ARNT: variants seen among roughly 807,000 people sequenced by gnomAD.
The protein encoded by ARNT is class E basic helix-loop-helix protein 2.
ARNT carries 30 observed loss-of-function variants against 105.0 expected under a neutral mutation model. The ratio of observed to expected loss-of-function variants is 0.29; its 90% CI spans 0.21 to 0.39. The LOEUF (loss-of-function observed/expected upper bound fraction) is 0.39. Among genes scored for constraint, ARNT ranks in the 10% least tolerant of loss-of-function variants. The pLI is 1.00. For synonymous variants in ARNT, 304 were observed against 344.0 expected, an observed-to-expected ratio of 0.88 and a Z score of 1.29; for missense variants, 748 against 978.7, an observed-to-expected ratio of 0.76 and a Z score of 3.15.
intron 1 of ARNT, among the ~76,000 whole-genome samples, chr1:150,875,139 G>A (rs1284904383): frequency 6.6e-6 from 1 of 152,050 alleles, no homozygotes; most frequent in Admixed American, 6.6e-5. Flanking sequence ...TCACAGATAG[G>A]TTATATTACT....
intron 4 of ARNT, 53 bp from the exon 5 acceptor site, chr1:150,842,521 GA>G: frequency 6.6e-7 from 1 of 1,525,018 alleles, no homozygotes; most frequent in East Asian, 2.3e-5. Context: ...AAGAAGGAAG[GA>G]AGGGGGGAGG....
rs754317482 is a variant in ARNT at position 150,826,629 on chromosome 1, A to C, written c.1168-12T>G. 3 of 1,593,290 alleles carry C rather than the reference A, an allele frequency of 1.9e-6. No individual in the cohort carries two copies. Among genetic ancestry groups the C allele is most frequent in the Admixed American group, 1.7e-5 (1 of 59,496 alleles). Reference sequence around the variant, plus strand: ...TTTCCTAAGAGTTCCTAGAATACAGAAAGAAGAGTAAGATATATACTTTTT... The same window carrying C: ...TTTCCTAAGAGTTCCTAGAATACAGCAAGAAGAGTAAGATATATACTTTTT... On this transcript the variant is annotated splice_polypyrimidine_tract_variant and intron_variant, in intron 12 of 21. Coordinates refer to ENST00000358595, the MANE Select transcript of ARNT (RefSeq NM_001668.4).
At chr1:150,871,907 C>CAAA (rs776523588) in intron 1 of ARNT, among the ~76,000 whole-genome samples, 89 of 39,702 alleles carry the variant, frequency 2.2e-3, no homozygotes, top group East Asian at 4.2e-3. Flanking sequence ...GACCCTGTCT[C>CAAA]AAAAAAAAAA....
rs977279479 is a variant in ARNT at position 150,829,919 on chromosome 1, G to C, written c.1017C>G (p.Ala339=). The change falls in exon 11 of 22, where the codon GCC becomes GCG. Residue 339 remains alanine, a synonymous_variant. Transcript: ENST00000358595. ...TCATACTTGCCTGCAATCTGCCAAT[G>C]GCCACTAGGCAAAACTTGCTTCCCT... The part of the protein sequence containing the change: ...AGQGSKFCLV[A]IGRLQVTSSP... The C allele has an allele frequency of 1.2e-6, 2 of 1,614,162 alleles. No homozygotes were observed. The highest frequency in any genetic ancestry group is 3.3e-5 in the Admixed American group (2 of 60,028).
chr1:150,871,226 A>G (rs1327567231), intron 1 of ARNT, among the ~76,000 whole-genome samples: 2 of 150,892 alleles, frequency 1.3e-5, no homozygotes, highest in South Asian at 2.1e-4. Flanking sequence ...AGGTGTTGTC[A>G]TATTTCCAAC....
At chr1:150,826,792 G>A (rs1322883415) in intron 12 of ARNT, among the ~76,000 whole-genome samples, 175 bp from the exon 13 acceptor site, 1 of 152,004 alleles carries the variant, frequency 6.6e-6, no homozygotes, top group Non-Finnish European at 1.5e-5. Flanking sequence ...TTACAGGGGT[G>A]TGCTACCACA....
chr1:150,841,790 A>G (rs1661345706), intron 5 of ARNT, among the ~76,000 whole-genome samples: 1 of 152,252 alleles, frequency 6.6e-6, no homozygotes, highest in Non-Finnish European at 1.5e-5. Context: ...ATAAAATTCT[A>G]TTCTCAAACA....
At chr1:150,829,851 T>G (rs1295813033) in intron 11 of ARNT, 53 bp downstream of exon 11, 2 of 1,569,890 alleles carry the variant, frequency 1.3e-6, no homozygotes, top group Admixed American at 3.4e-5. Context: ...GAATGAGTCC[T>G]GAAGATCTGC....
chr1:150,843,653 CT>C lies in ARNT; in HGVS notation c.228-1186del, dbSNP rs35374672. Among the ~76,000 whole-genome samples the C allele has an allele frequency of 2.4e-4, 37 of 151,904 alleles. 2 individuals carry two copies. Among genetic ancestry groups the C allele is most frequent in the Middle Eastern group, 3.4e-3 (1 of 294 alleles). On this transcript the variant is annotated intron_variant, in intron 4 of 21. Coordinates refer to ENST00000358595, the MANE Select transcript of ARNT (RefSeq NM_001668.4). Reference sequence around the variant, plus strand: ...TAGTTCCTTAACAAACTACAAACTTCTTTTTTTTCAAAAAGTTGAGCAACTT... The same window carrying C: ...TAGTTCCTTAACAAACTACAAACTTCTTTTTTTCAAAAAGTTGAGCAACTT...
intron 6 of ARNT, among the ~76,000 whole-genome samples, chr1:150,838,684 C>T (rs1301803573): frequency 1.3e-5 from 2 of 152,132 alleles, no homozygotes; most frequent in African/African-American, 4.8e-5. Flanking sequence ...ATACCTCCTA[C>T]ATTTTCCAAA....
At chr1:150,871,962 CTT>C (rs1181616883) in intron 1 of ARNT, among the ~76,000 whole-genome samples, 1 of 137,184 alleles carries the variant, frequency 7.3e-6, no homozygotes, top group Non-Finnish European at 1.6e-5. Flanking sequence ...AATACTATCT[CTT>C]TTTTTGTTGG....
chr1:150,842,184 A>G (rs1661408612), intron 5 of ARNT: 1 of 863,806 alleles, frequency 1.2e-6, no homozygotes. Flanking sequence ...GAAAAAGAAA[A>G]AAAAACTTAA....
chr1:150,843,374 G>A (rs1418715925), intron 4 of ARNT, among the ~76,000 whole-genome samples: 2 of 152,178 alleles, frequency 1.3e-5, no homozygotes, highest in East Asian at 3.8e-4. Flanking sequence ...TATAGATAAA[G>A]AGGCCCTGAA....
chr1:150,858,540 AAAGGTTC>A, intron 1 of ARNT, 80 bp from the exon 2 acceptor site: 1 of 1,153,204 alleles, frequency 8.7e-7, no homozygotes, highest in Non-Finnish European at 1.3e-6. Flanking sequence ...TAGCTAAAAG[AAAGGTTC>A]AAGCTATAGA....
intron 1 of ARNT, 65 bp from the exon 2 acceptor site, chr1:150,858,525 CA>C: frequency 7.9e-7 from 1 of 1,270,654 alleles, no homozygotes; most frequent in Non-Finnish European, 1.1e-6. Flanking sequence ...TCAGTATCAT[CA>C]AGTTAGCTAA....
At position 150,858,420 on chromosome 1, in the gene ARNT, G is replaced by A; in HGVS notation, c.66C>T (p.Ala22=). 1 of 1,609,886 alleles carries A rather than the reference G, an allele frequency of 6.2e-7. No homozygotes were observed. The highest frequency in any genetic ancestry group is 2.2e-5 in the East Asian group (1 of 44,866). Residue 22 remains alanine (A), a synonymous_variant, in exon 2 of 22, where the codon GCC becomes GCT. Transcript: ENST00000358595. ...GAATTCCAGGTCCAGAGTTTCCAGAGGCAATGGCTGGACCCAGTGATGGTA... is the reference window on the plus strand; with the variant it reads ...GAATTCCAGGTCCAGAGTTTCCAGAAGCAATGGCTGGACCCAGTGATGGTA... The part of the protein sequence containing the change: ...SDVPSLGPAI[A]SGNSGPGIQG...
intron 19 of ARNT, among the ~76,000 whole-genome samples, chr1:150,816,031 C>T (rs868095119): frequency 2.0e-5 from 3 of 152,068 alleles, no homozygotes; most frequent in Middle Eastern, 3.2e-3. Context: ...TCAAAACGTT[C>T]CAAGTGAGCA....
Position 150,852,803 on chromosome 1 carries a change from C to T in ARNT, c.141G>A (p.Leu47=). 6.2e-7 allele frequency: 1 copy of T among 1,613,938 alleles called. No individual in the cohort carries two copies. The highest frequency in any genetic ancestry group is 8.5e-7 in the Non-Finnish European group (1 of 1,179,936). ...VQRAIKRRPG[L]DFDDDGEGNS... ...TCCCTTCTCCATCATCATCAAAATC[C>T]AGCCTGAGGAAAGCCAACAATAAAT... Residue 47 remains leucine (L), a synonymous_variant, in exon 3 of 22, where the codon CTG becomes CTA. Transcript: ENST00000358595.
rs35003478 is a variant in ARNT, at chr1:150,815,863, CA to C, written c.1950+395del. 4.4e-3 allele frequency among the ~76,000 whole-genome samples: 534 copies of C among 121,994 alleles called. 4 individuals are homozygous for C. Among genetic ancestry groups the C allele is most frequent in the African/African-American group, 0.015 (480 of 31,052 alleles). 80.0% of individuals were successfully genotyped at this position (121,994 alleles called of 152,430 possible). A position where few individuals can be genotyped will look rare whatever the true frequency, so the allele number is the denominator to read the frequency against. ...TGGGCGACAGAGCAAGACTCTGTCTCAAAAAAAAAAAAAAAAAGAATTTTTC... is the reference window on the plus strand; with the variant it reads ...TGGGCGACAGAGCAAGACTCTGTCTCAAAAAAAAAAAAAAAAGAATTTTTC... On this transcript the variant is annotated intron_variant, in intron 19 of 21. Transcript: ENST00000358595.
Sources: allele counts gnomAD v4.1 joint callset (sites outside exome capture counted in the v4.1 genomes callset), GRCh38; gene constraint gnomAD v4.1.1; transcripts MANE v1.5; gene names NCBI Gene and HGNC (gene_info 2026-07-23, HGNC 2026-07-21).